CMIP: variants seen among roughly 807,000 people sequenced by gnomAD.
CMIP encodes the protein C-Maf-inducing protein.
A neutral mutation model predicts 97.3 loss-of-function variants in CMIP; 13 were observed. The observed-to-expected ratio is 0.13, with a 90% CI of 0.09 to 0.21. The LOEUF (loss-of-function observed/expected upper bound fraction) is 0.21. CMIP is among the 10% of genes least tolerant of loss of function. The pLI, the probability that CMIP is intolerant of heterozygous loss-of-function variation, is 1.00. For synonymous variants in CMIP, 538 were observed against 436.3 expected, an observed-to-expected ratio of 1.23 and a Z score of -2.91; for missense variants, 847 against 1,024.9, an observed-to-expected ratio of 0.83 and a Z score of 2.37.
At chr16:81,515,048 G>T (rs1567553298) in intron 1 of CMIP, among the ~76,000 whole-genome samples, 1 of 152,238 alleles carries the variant, frequency 6.6e-6, no homozygotes, top group South Asian at 2.1e-4. Context: ...TCCAGAGCTG[G>T]AGACTGAGGC....
At chr16:81,528,036 C>T (rs966246012) in intron 1 of CMIP, among the ~76,000 whole-genome samples, 10 of 152,310 alleles carry the variant, frequency 6.6e-5, no homozygotes, top group African/African-American at 2.4e-4. Flanking sequence ...AGTTTACATT[C>T]CCAGGAGCAG....
chr16:81,551,899 C>A (rs997554639), intron 1 of CMIP, among the ~76,000 whole-genome samples: 2 of 152,230 alleles, frequency 1.3e-5, no homozygotes, highest in Non-Finnish European at 2.9e-5. Context: ...ACAAAGACTC[C>A]CCGGTCCAGG....
intron 3 of CMIP, among the ~76,000 whole-genome samples, chr16:81,640,788 A>G (rs1390139719): frequency 9.7e-6 from 1 of 103,474 alleles, no homozygotes; most frequent in African/African-American, 3.3e-5. Context: ...CTCTCTCCAC[A>G]TGGCCTTTTT....
intron 1 of CMIP, among the ~76,000 whole-genome samples, chr16:81,474,515 C>A (rs1907765923): frequency 6.6e-6 from 1 of 152,152 alleles, no homozygotes; most frequent in Non-Finnish European, 1.5e-5. Flanking sequence ...ACCTTCAGAC[C>A]ACACCTCTGG....
chr16:81,541,800 C>G (rs2090454206), intron 1 of CMIP, among the ~76,000 whole-genome samples: 1 of 152,180 alleles, frequency 6.6e-6, no homozygotes, highest in Admixed American at 6.5e-5. Flanking sequence ...GCTTGTCAAT[C>G]AGGCATCAGG....
chr16:81,492,615 C>T (rs1007447152), intron 1 of CMIP, among the ~76,000 whole-genome samples: 1 of 152,052 alleles, frequency 6.6e-6, no homozygotes, highest in African/African-American at 2.4e-5. Context: ...GCTATGCAGG[C>T]CCTCGAGAGG....
chr16:81,608,103 T>G (rs1309745229), intron 2 of CMIP, among the ~76,000 whole-genome samples: 1 of 152,208 alleles, frequency 6.6e-6, no homozygotes, highest in Non-Finnish European at 1.5e-5. Flanking sequence ...GTTTCTGATA[T>G]CTTGTTGATC....
At chr16:81,562,155 G>A (rs934710724) in intron 1 of CMIP, among the ~76,000 whole-genome samples, 1 of 152,200 alleles carries the variant, frequency 6.6e-6, no homozygotes, top group Non-Finnish European at 1.5e-5. Flanking sequence ...ATGAGATGAG[G>A]ATGCAGCCAA....
chr16:81,450,948 G>C (rs916363792), intron 1 of CMIP, among the ~76,000 whole-genome samples: 1 of 152,176 alleles, frequency 6.6e-6, no homozygotes, highest in Admixed American at 6.5e-5. Flanking sequence ...TGTCTACCGT[G>C]GTTCTTCACT....
chr16:81,482,897 C>T (rs2089248815), intron 1 of CMIP, among the ~76,000 whole-genome samples: 1 of 152,228 alleles, frequency 6.6e-6, no homozygotes, highest in Admixed American at 6.5e-5. Flanking sequence ...TGTTGGTGCA[C>T]AGGCATGCCT....
At chr16:81,477,421 A>G (rs987143657) in intron 1 of CMIP, among the ~76,000 whole-genome samples, 1 of 152,132 alleles carries the variant, frequency 6.6e-6, no homozygotes, top group East Asian at 1.9e-4. Flanking sequence ...TTGGCCTCCC[A>G]AAGTGCTGGG....
In CMIP at chr16:81,664,357, A is replaced by C; in HGVS notation, c.825+8A>C. On this transcript the variant is annotated splice_region_variant and intron_variant, in intron 7 of 20. Coordinates refer to ENST00000537098, the MANE Select transcript of CMIP (RefSeq NM_198390.3). ...ATCCTCAAGCATAACATGGTGAGTC[A>C]CCCTGCCCCAACACCCAGACCCCAG... The C allele has an allele frequency of 6.3e-7, 1 of 1,582,946 alleles. No homozygotes were observed. The highest frequency in any genetic ancestry group is 8.6e-7 in the Non-Finnish European group (1 of 1,165,504).
intron 11 of CMIP, 51 bp downstream of exon 11, chr16:81,691,891 A>G: frequency 6.7e-7 from 1 of 1,498,458 alleles, no homozygotes. Flanking sequence ...GACAAACCTC[A>G]GTTGTCCACC....
At position 81,652,294 on chromosome 16, in the gene CMIP, T is replaced by A; in HGVS notation, c.569T>A (p.Leu190Gln). 6.2e-7 allele frequency: 1 copy of A among 1,613,940 alleles called. No individual in the cohort carries two copies. Among genetic ancestry groups the A allele is most frequent in the Non-Finnish European group, 8.5e-7 (1 of 1,179,806 alleles). ...ATCCGGACCCTGGTGGACATGGCCCTGACATCCCCCCTGCAGGATGACTCC... is the reference window on the plus strand; with the variant it reads ...ATCCGGACCCTGGTGGACATGGCCCAGACATCCCCCCTGCAGGATGACTCC... ...KEIRTLVDMA[L>Q]TSPLQDDSIN... Residue 190 changes from leucine to glutamine, a missense_variant, in exon 4 of 21, where the codon CTG becomes CAG. By Grantham distance (113) the Leu-to-Gln change is moderately radical (BLOSUM62 -2). Coordinates refer to ENST00000537098, the MANE Select transcript of CMIP (RefSeq NM_198390.3). The surrounding 1 kb of genome is among the most constrained non-coding windows in gnomAD (Gnocchi z 5.2).
At chr16:81,561,554 T>C (rs1451005038) in intron 1 of CMIP, among the ~76,000 whole-genome samples, 1 of 151,658 alleles carries the variant, frequency 6.6e-6, no homozygotes, top group Non-Finnish European at 1.5e-5. Context: ...GGGAAGAGGG[T>C]GGCAGGGGCT....
Position 81,678,595 on chromosome 16 carries a change from C to T in CMIP, c.1355C>T (p.Thr452Met), listed in dbSNP as rs369769411. Residue 452 changes from threonine to methionine, a missense_variant, in exon 10 of 21, where the codon ACG becomes ATG. Thr to Met is a moderately conservative substitution (Grantham distance 81). Around this residue, in one of 4 missense-constraint regions of CMIP, gnomAD observed 202 missense variants for 168.7 expected, o/e 1.20. Coordinates refer to ENST00000537098, the MANE Select transcript of CMIP (RefSeq NM_198390.3). ...GAGCTGGGCCCCCAGGCCGACCGCA[C>T]GCTCGGCTGCTACGTGGAAATCCTC... is the stretch of plus-strand genomic sequence containing the variant. ...SIELGPQADRTLGCYVEILKL... is the reference protein window; with the variant it reads ...SIELGPQADRMLGCYVEILKL... The T allele has an allele frequency of 5.0e-6, 8 of 1,596,170 alleles. No homozygotes were observed. Among genetic ancestry groups the T allele is most frequent in the South Asian group, 4.4e-5 (4 of 90,328 alleles).
chr16:81,666,383 C>T (rs2092603604), intron 7 of CMIP: 2 of 152,186 alleles, frequency 1.3e-5, no homozygotes, highest in Non-Finnish European at 2.9e-5. Context: ...TAAACCGTTT[C>T]ATAAGGGTTC....
chr16:81,506,996 T>C (rs1184407205), intron 1 of CMIP, among the ~76,000 whole-genome samples: 1 of 151,778 alleles, frequency 6.6e-6, no homozygotes, highest in African/African-American at 2.4e-5. Context: ...CTCACGCCTG[T>C]AATCCTAACA....
intron 1 of CMIP, among the ~76,000 whole-genome samples, chr16:81,516,083 C>T (rs1169485332): frequency 6.6e-6 from 1 of 152,162 alleles, no homozygotes; most frequent in African/African-American, 2.4e-5. Context: ...TCCATTGCCC[C>T]CGTTTGGGTT....
Sources: gnomAD v4.1 joint callset for allele counts (sites outside exome capture counted in the v4.1 genomes callset) on GRCh38, gnomAD v4.1.1 for gene constraint, gnomAD v4.1.1 regional missense constraint, Gnocchi (gnomAD v3.1) non-coding constraint, MANE v1.5 for transcripts, NCBI Gene and HGNC (gene_info 2026-07-23, HGNC 2026-07-21) for gene names.